The following PCDHA10 variants were observed in gnomAD, a reference collection of about 807,000 sequenced individuals.
PCDHA10 encodes the protein protocadherin alpha-10.
In PCDHA10, 45 loss-of-function variants were observed where a neutral mutation model predicts 61.2. That is an observed-to-expected ratio of 0.74 (90% confidence interval 0.58 to 0.94). PCDHA10 has a LOEUF of 0.94. PCDHA10 is among the 40% of genes least tolerant of loss of function. The probability of loss-of-function intolerance (pLI) is 0.00; values close to 1 mark genes in which losing one functional copy is unlikely to be tolerated. For synonymous variants in PCDHA10, 602 were observed against 548.8 expected, an observed-to-expected ratio of 1.10 and a Z score of -1.35; for missense variants, 1,278 against 1,236.2, an observed-to-expected ratio of 1.03 and a Z score of -0.51.
Position 140,876,083 on chromosome 5 carries a change from A to C in PCDHA10, c.2388+17647A>C. 1 of 1,613,974 alleles carries C rather than the reference A, an allele frequency of 6.2e-7. No individual in the cohort carries two copies. The highest frequency in any genetic ancestry group is 8.5e-7 in the Non-Finnish European group (1 of 1,179,900). ...CTTCGGAAGTTATTGGACAGAGAGC[A>C]AACGCCAAAACTCAATTTATTGCTG... On this transcript the variant is annotated intron_variant, in intron 1 of 3. Coordinates refer to ENST00000307360, the MANE Select transcript of PCDHA10 (RefSeq NM_018901.4).
chr5:140,927,417 G>T (rs74597681), intron 1 of PCDHA10: 1 of 1,614,100 alleles, frequency 6.2e-7, no homozygotes, highest in Non-Finnish European at 8.5e-7. Flanking sequence ...ACATGGGATC[G>T]CGGGTTGACG....
At chr5:140,990,736 C>G (rs181451094) in intron 3 of PCDHA10, among the ~76,000 whole-genome samples, 22 of 152,218 alleles carry the variant, frequency 1.4e-4, no homozygotes, top group African/African-American at 5.3e-4. Flanking sequence ...TATCAACAGC[C>G]CTAGGGTGGA....
chr5:140,892,874 C>T (rs1157291129), intron 1 of PCDHA10, among the ~76,000 whole-genome samples: 2 of 152,148 alleles, frequency 1.3e-5, no homozygotes, highest in Non-Finnish European at 2.9e-5. Flanking sequence ...GCTATAATTT[C>T]GTATCCATTA....
Position 140,884,183 on chromosome 5 carries a change from G to T in PCDHA10, c.2388+25747G>T, listed in dbSNP as rs201206731. 6.2e-6 allele frequency: 10 copies of T among 1,613,306 alleles called. No individual in the cohort carries two copies. The East Asian group carries it at 6.7e-5, about 11-fold the overall frequency. The stretch of plus-strand genomic sequence containing the variant: ...GATCAGCACGACGCGCCCTCTGGAC[G>T]AGGTGGACGCGCCGCACCACCGCCT... On this transcript the variant is annotated intron_variant, in intron 1 of 3. Transcript: ENST00000307360.
At chr5:140,936,863 A>G (rs1177234152) in intron 1 of PCDHA10, among the ~76,000 whole-genome samples, 1 of 152,120 alleles carries the variant, frequency 6.6e-6, no homozygotes, top group East Asian at 1.9e-4. Context: ...CTCAGTTTCT[A>G]TTTTAAAAAA....
At position 141,009,692 on chromosome 5, in the gene PCDHA10, A is replaced by G. The variant is rs2098413739; in HGVS notation, c.2602A>G (p.Lys868Glu). The G allele has an allele frequency of 6.2e-7, 1 of 1,613,856 alleles. No homozygotes were observed. Among genetic ancestry groups the G allele is most frequent in the African/African-American group, 1.3e-5 (1 of 74,858 alleles). The stretch of plus-strand genomic sequence containing the variant: ...TGTCAACAGCAACAGCTGGACCTTT[A>G]AATACGGACCAGGCAACCCCAAACA... The part of the protein sequence containing the change: ...AGVNSNSWTF[K>E]YGPGNPKQSG... Residue 868 changes from lysine to glutamate, a missense_variant, in exon 4 of 4, where the codon AAA (lysine) becomes GAA (glutamate). Physicochemically the swap from Lys to Glu is moderately conservative, Grantham distance 56. Transcript: ENST00000307360.
intron 1 of PCDHA10, among the ~76,000 whole-genome samples, chr5:140,886,624 G>A (rs1204732273): frequency 6.6e-6 from 1 of 151,636 alleles, no homozygotes; most frequent in African/African-American, 2.4e-5. Context: ...TCAGGAGTCC[G>A]AGACCAGCCT....
At chr5:140,962,077 G>T (rs2095655013) in intron 1 of PCDHA10, among the ~76,000 whole-genome samples, 1 of 151,866 alleles carries the variant, frequency 6.6e-6, no homozygotes, top group South Asian at 2.1e-4. Flanking sequence ...AGTAGAGACG[G>T]GGTTTCACCA....
chr5:140,940,029 C>T (rs1411990785), intron 1 of PCDHA10, among the ~76,000 whole-genome samples: 4 of 152,136 alleles, frequency 2.6e-5, no homozygotes, highest in East Asian at 1.9e-4. Flanking sequence ...TGTTTTAAGG[C>T]TATTTTATTT....
At chr5:140,980,237 A>C (rs1159780134) in intron 2 of PCDHA10, among the ~76,000 whole-genome samples, 1 of 152,238 alleles carries the variant, frequency 6.6e-6, no homozygotes, top group Non-Finnish European at 1.5e-5. Context: ...GTTGGTGGAG[A>C]CATGCAATGG....
At chr5:140,949,991 A>T (rs1585353048) in intron 1 of PCDHA10, among the ~76,000 whole-genome samples, 1 of 151,822 alleles carries the variant, frequency 6.6e-6, no homozygotes, top group East Asian at 1.9e-4. Flanking sequence ...AACTTTTCTC[A>T]GTCCACTTAA....
intron 1 of PCDHA10, among the ~76,000 whole-genome samples, chr5:140,916,237 A>G (rs1004473327): frequency 6.6e-6 from 1 of 152,182 alleles, no homozygotes; most frequent in African/African-American, 2.4e-5. Context: ...CCAGGAGCCA[A>G]AGCCTGGACT....
intron 1 of PCDHA10, among the ~76,000 whole-genome samples, chr5:140,933,053 G>C (rs2088831256): frequency 6.6e-6 from 1 of 151,948 alleles, no homozygotes; most frequent in Non-Finnish European, 1.5e-5. Flanking sequence ...TTACAGTCCA[G>C]GATCCTGACT....
chr5:141,004,708 A>G (rs955852492), intron 3 of PCDHA10, among the ~76,000 whole-genome samples: 2 of 152,340 alleles, frequency 1.3e-5, no homozygotes, highest in South Asian at 4.1e-4. Flanking sequence ...TAGGTGCCGA[A>G]TCAGAGGTTT....
chr5:141,010,096 A>G lies in PCDHA10; in HGVS notation c.*159A>G. The G allele has an allele frequency of 6.2e-7, 1 of 1,612,840 alleles. No individual in the cohort carries two copies. Among genetic ancestry groups the G allele is most frequent in the Non-Finnish European group, 8.5e-7 (1 of 1,179,378 alleles). ...CCTGTGTCTGTCTAGAACGCATTTA[A>G]CAGGTTTTGTCGTAAAAGCTTTACT... On this transcript the variant is annotated 3_prime_UTR_variant, in exon 4 of 4. Transcript: ENST00000307360.
At chr5:140,978,763 A>G (rs932766044) in intron 1 of PCDHA10, among the ~76,000 whole-genome samples, 186 bp from the exon 2 acceptor site, 11 of 152,258 alleles carry the variant, frequency 7.2e-5, no homozygotes, top group Non-Finnish European at 1.3e-4. Flanking sequence ...GAGGACCCTG[A>G]TGAACTAATT....
chr5:140,895,968 G>T lies in PCDHA10; in HGVS notation c.2388+37532G>T, dbSNP rs190056652. 4.1e-3 allele frequency among the ~76,000 whole-genome samples: 628 copies of T among 152,052 alleles called. 2 individuals are homozygous for T. Among genetic ancestry groups the T allele is most frequent in the Middle Eastern group, 6.8e-3 (2 of 294 alleles). On this transcript the variant is annotated intron_variant, in intron 1 of 3. Coordinates refer to ENST00000307360, the MANE Select transcript of PCDHA10 (RefSeq NM_018901.4). ...TGGGATTACAGGTGCCTGTCACCAG[G>T]CCTAGCTAATTTTTGTATTTTAAGT... is the stretch of plus-strand genomic sequence containing the variant.
chr5:140,877,544 C>T (rs782624202), intron 1 of PCDHA10: 2 of 1,613,794 alleles, frequency 1.2e-6, no homozygotes, highest in Non-Finnish European at 1.7e-6. Context: ...GATCCCGAAG[C>T]GGCTCTGGTG....
intron 1 of PCDHA10, chr5:140,869,076 C>T (rs367613564): frequency 1.9e-6 from 3 of 1,577,816 alleles, no homozygotes; most frequent in African/African-American, 2.7e-5. Context: ...TGTAAAGAAG[C>T]TTATTTTGGA....
Sources: gnomAD v4.1 joint callset for allele counts (sites outside exome capture counted in the v4.1 genomes callset) on GRCh38, gnomAD v4.1.1 for gene constraint, MANE v1.5 for transcripts, NCBI Gene and HGNC (gene_info 2026-07-23, HGNC 2026-07-21) for gene names.